The following RP1 variants were observed in gnomAD, a reference collection of about 807,000 sequenced individuals.
RP1 encodes RP1 axonemal microtubule associated, also known as oxygen-regulated protein 1.
Under a neutral mutation model 14.8 loss-of-function variants are expected in RP1, and 16 were observed. That is an observed-to-expected ratio of 1.08 (90% CI 0.73 to 1.65). RP1 has a LOEUF of 1.65. RP1 is among the 40% of genes most tolerant of loss of function. RP1 has a pLI of 0.00. For missense variants in RP1, 2,631 were observed against 2,535.0 expected (o/e 1.04, Z -0.81); for synonymous variants, 876 against 883.6 (o/e 0.99, Z 0.15).
chr8:54,712,900 A>G (rs549140499), intron 15 of RP1, among the ~76,000 whole-genome samples: 1 of 152,314 alleles, frequency 6.6e-6, no homozygotes, highest in South Asian at 2.1e-4. Context: ...TTGAAAACAG[A>G]ATGAAAACAG....
chr8:54,650,270 A>G (rs1255061587), intron 4 of RP1, among the ~76,000 whole-genome samples: 1 of 152,224 alleles, frequency 6.6e-6, no homozygotes, highest in East Asian at 1.9e-4. Flanking sequence ...TGTAGAGGTG[A>G]TGGCTTTATT....
intron 24 of RP1, among the ~76,000 whole-genome samples, chr8:54,837,004 C>T (rs9298513): frequency 0.3 from 46,129 of 151,932 alleles, 7,201 homozygotes; most frequent in South Asian, 0.37. Context: ...GTTACCAACA[C>T]TTCTGTAGAA....
chr8:54,788,333 A>C (rs1319008593), intron 24 of RP1, among the ~76,000 whole-genome samples: 1 of 152,208 alleles, frequency 6.6e-6, no homozygotes, highest in Non-Finnish European at 1.5e-5. Flanking sequence ...TTAGATGTCC[A>C]TGTGGGCCTA....
At chr8:54,772,409 CAATTTG>C (rs1809931028), downstream of RP1, among the ~76,000 whole-genome samples, 1 of 152,156 alleles carries the variant, frequency 6.6e-6, no homozygotes, top group South Asian at 2.1e-4. Flanking sequence ...TTTCAAGATA[CAATTTG>C]AATGATCTAT....
At chr8:54,797,471 G>A (rs778111850) in intron 24 of RP1, among the ~76,000 whole-genome samples, 1 of 151,806 alleles carries the variant, frequency 6.6e-6, no homozygotes, top group African/African-American at 2.4e-5. Context: ...TTTTATCCAT[G>A]AGAACCACTA....
At chr8:54,791,771 T>G (rs1585696079) in intron 24 of RP1, among the ~76,000 whole-genome samples, 1 of 152,076 alleles carries the variant, frequency 6.6e-6, no homozygotes, top group African/African-American at 2.4e-5. Flanking sequence ...AGTCATCAAT[T>G]ACAAAAGAAG....
At chr8:54,770,072 A>G (rs1304885211), downstream of RP1, 1 of 446,976 alleles carries the variant, frequency 2.2e-6, no homozygotes, top group Admixed American at 3.9e-5. Context: ...CCCACTTACA[A>G]TGTCATCAGA....
At chr8:54,706,894 G>A (rs946390475) in intron 15 of RP1, among the ~76,000 whole-genome samples, 1 of 152,160 alleles carries the variant, frequency 6.6e-6, no homozygotes, top group African/African-American at 2.4e-5. Context: ...CCTGGGAATT[G>A]TGTTAGGAAG....
chr8:54,843,959 G>C (rs1811852821), intron 25 of RP1, among the ~76,000 whole-genome samples: 1 of 152,204 alleles, frequency 6.6e-6, no homozygotes, highest in Non-Finnish European at 1.5e-5. Context: ...TTCTGATTAG[G>C]AAAGGTTCCA....
At chr8:54,779,926 C>T (rs1172556416) in intron 23 of RP1, among the ~76,000 whole-genome samples, 2 of 152,230 alleles carry the variant, frequency 1.3e-5, no homozygotes, top group Non-Finnish European at 2.9e-5. Context: ...GTGTGAAAAA[C>T]CACTCCCAAA....
chr8:54,682,245 ATT>A (rs879274498), intron 12 of RP1, among the ~76,000 whole-genome samples: 2 of 145,846 alleles, frequency 1.4e-5, no homozygotes, highest in Admixed American at 6.9e-5. Context: ...TTAAATTAAA[ATT>A]TTTTTTTTTT....
chr8:54,643,623 C>T (rs1806492385), intron 3 of RP1, among the ~76,000 whole-genome samples: 1 of 152,132 alleles, frequency 6.6e-6, no homozygotes, highest in South Asian at 2.1e-4. Context: ...AACAGATTAC[C>T]ACAAACTGAG....
At chr8:54,741,032 G>C (rs1585652014) in intron 19 of RP1, among the ~76,000 whole-genome samples, 3 of 146,926 alleles carry the variant, frequency 2.0e-5, no homozygotes, top group Admixed American at 1.4e-4. Context: ...GTGAGACTTT[G>C]TCTCAAAAAA....
At chr8:54,797,476 C>A (rs1485819388) in intron 24 of RP1, among the ~76,000 whole-genome samples, 1 of 151,642 alleles carries the variant, frequency 6.6e-6, no homozygotes, top group East Asian at 1.9e-4. Flanking sequence ...TCCATGAGAA[C>A]CACTAGATGA....
chr8:54,760,501 G>T lies in RP1; in HGVS notation c.3248+1425G>T, dbSNP rs1420993977. The stretch of plus-strand genomic sequence containing the variant: ...CTGAAAATGTTTCAAGAAAAAATAT[G>T]GGGGAAAATAATGTTCTAAAAGCTA... On this transcript the variant is annotated intron_variant, in intron 22 of 22. Transcript: ENST00000636932. 3.3e-5 allele frequency among the ~76,000 whole-genome samples: 5 copies of T among 152,160 alleles called. No individual in the cohort carries two copies. In the East Asian group the frequency reaches 9.7e-4, roughly 29 times the overall value.
chr8:54,633,100 G>A (rs1006282818), downstream of RP1, among the ~76,000 whole-genome samples: 7 of 152,260 alleles, frequency 4.6e-5, no homozygotes, highest in African/African-American at 1.7e-4. Flanking sequence ...TGAGCTTCCT[G>A]CTTCTGCTTC....
At chr8:54,680,801 A>T (rs534818477) in intron 12 of RP1, among the ~76,000 whole-genome samples, 2 of 152,074 alleles carry the variant, frequency 1.3e-5, no homozygotes, top group South Asian at 4.2e-4. Flanking sequence ...TACTAAAAAT[A>T]CAAAAAATTA....
intron 1 of RP1, among the ~76,000 whole-genome samples, chr8:54,570,304 G>A (rs1306898063): frequency 6.6e-6 from 1 of 151,370 alleles, no homozygotes; most frequent in African/African-American, 2.4e-5. Flanking sequence ...TGGGTGTTCA[G>A]TATTCTGTGA....
rs202107668 is a variant in RP1 at position 54,695,255 on chromosome 8, AT to A, written c.1718-4202del. On this transcript the variant is annotated intron_variant, in intron 12 of 22. Coordinates refer to the RP1 transcript ENST00000636932. ...TTACTTCTTAAAATCGGGACCCTTA[AT>A]TTTTTTTTTCTCAGCAGAAATAACT... is the stretch of plus-strand genomic sequence containing the variant. Among the ~76,000 whole-genome samples, 542 of 148,842 alleles carry A rather than the reference AT, an allele frequency of 3.6e-3. 18 individuals are homozygous for A. In the East Asian group the frequency reaches 0.061, roughly 17 times the overall value.
Sources: allele counts gnomAD v4.1 joint callset (sites outside exome capture counted in the v4.1 genomes callset), GRCh38; gene constraint gnomAD v4.1.1; transcripts MANE v1.5; gene names NCBI Gene and HGNC (gene_info 2026-07-23, HGNC 2026-07-21).